Variants in ADGRL2 observed in about 807,000 individuals in gnomAD.
ADGRL2 encodes adhesion G protein-coupled receptor L2.
ADGRL2 carries 44 observed loss-of-function variants against 157.4 expected under a neutral mutation model. The ratio of observed to expected loss-of-function variants is 0.28; its 90% confidence interval spans 0.22 to 0.36. The LOEUF is 0.36. Ranked by LOEUF, ADGRL2 falls within the 10% of genes least tolerant of loss-of-function variation. The probability of loss-of-function intolerance (pLI) is 1.00; values close to 1 mark genes in which losing one functional copy is unlikely to be tolerated. For synonymous variants in ADGRL2, 585 were observed against 624.7 expected (o/e 0.94, Z 0.95); for missense variants, 1,510 against 1,768.9 (o/e 0.85, Z 2.63).
chr1:81,473,403 T>A (rs2078211703), intron 2 of ADGRL2, among the ~76,000 whole-genome samples: 1 of 152,300 alleles, frequency 6.6e-6, no homozygotes, highest in East Asian at 1.9e-4. Context: ...ACACACTGGA[T>A]TTCAATAATG....
At chr1:81,540,992 T>C (rs994795526) in intron 2 of ADGRL2, among the ~76,000 whole-genome samples, 4 of 152,106 alleles carry the variant, frequency 2.6e-5, no homozygotes, top group African/African-American at 9.7e-5. Flanking sequence ...AATCAATCAA[T>C]GAACAATCAC....
At chr1:81,381,963 C>A (rs904060687) in intron 1 of ADGRL2, among the ~76,000 whole-genome samples, 12 of 152,108 alleles carry the variant, frequency 7.9e-5, no homozygotes, top group African/African-American at 2.9e-4. Context: ...TCATGCCCTT[C>A]GTTGTTTGTG....
At chr1:81,768,176 A>G (rs1213027973) in intron 2 of ADGRL2, among the ~76,000 whole-genome samples, 4 of 151,366 alleles carry the variant, frequency 2.6e-5, no homozygotes, top group Admixed American at 2.6e-4. Flanking sequence ...TTCCTGAGTA[A>G]CTACGACTAC....
chr1:81,976,409 T>C (rs2149388943), intron 17 of ADGRL2, among the ~76,000 whole-genome samples: 1 of 152,060 alleles, frequency 6.6e-6, no homozygotes, highest in Admixed American at 6.6e-5. Flanking sequence ...ATAAATTTCT[T>C]TACATCTAGA....
chr1:81,483,264 T>G (rs2078428677), intron 2 of ADGRL2, among the ~76,000 whole-genome samples: 1 of 152,178 alleles, frequency 6.6e-6, no homozygotes, highest in Non-Finnish European at 1.5e-5. Flanking sequence ...ATATGAGTCT[T>G]ACTTAAGCCA....
intron 2 of ADGRL2, among the ~76,000 whole-genome samples, chr1:81,852,351 T>TAACC (rs958169447): frequency 1.2e-4 from 19 of 152,206 alleles, no homozygotes; most frequent in African/African-American, 4.6e-4. Flanking sequence ...ACCTTCCAGG[T>TAACC]AACCGCCTGG....
At chr1:81,930,133 G>A (rs945459029) in intron 3 of ADGRL2, among the ~76,000 whole-genome samples, 1 of 152,044 alleles carries the variant, frequency 6.6e-6, no homozygotes, top group East Asian at 1.9e-4. Flanking sequence ...ATTATTTTTC[G>A]ATACAATTTA....
At chr1:81,732,821 T>C (rs914862558) in intron 1 of ADGRL2, among the ~76,000 whole-genome samples, 8 of 152,234 alleles carry the variant, frequency 5.3e-5, no homozygotes, top group Admixed American at 5.2e-4. Flanking sequence ...TTAAGACTTT[T>C]ATTTGATTTT....
intron 3 of ADGRL2, among the ~76,000 whole-genome samples, chr1:81,934,925 A>C (rs2095288277): frequency 6.6e-6 from 1 of 152,014 alleles, no homozygotes; most frequent in Non-Finnish European, 1.5e-5. Flanking sequence ...TTTTAATGGG[A>C]CCAAGTTAGT....
At chr1:81,761,631 A>C (rs2085885112) in intron 1 of ADGRL2, among the ~76,000 whole-genome samples, 1 of 152,024 alleles carries the variant, frequency 6.6e-6, no homozygotes, top group African/African-American at 2.4e-5. Flanking sequence ...CAAGTGCTTA[A>C]TCTTATGGTA....
At chr1:81,683,928 TGCC>T (rs1239148846) in intron 3 of ADGRL2, among the ~76,000 whole-genome samples, 1 of 152,126 alleles carries the variant, frequency 6.6e-6, no homozygotes, top group African/African-American at 2.4e-5. Flanking sequence ...GCGATTCTCC[TGCC>T]TCAGCCTCCT....
At chr1:81,571,853 A>G (rs900397787) in intron 2 of ADGRL2, among the ~76,000 whole-genome samples, 9 of 152,160 alleles carry the variant, frequency 5.9e-5, no homozygotes, top group African/African-American at 2.2e-4. Flanking sequence ...TAGGCACTCG[A>G]CACATATTTG....
rs145105803 is a variant in ADGRL2 at position 81,834,411 on chromosome 1, A to C, written c.-100-2474A>C. Among the ~76,000 whole-genome samples the C allele has an allele frequency of 3.3e-5, 5 of 152,160 alleles. No individual in the cohort carries two copies. The South Asian group carries it at 1.0e-3, about 31-fold the overall frequency. On this transcript the variant is annotated intron_variant, in intron 1 of 23. Transcript: ENST00000686636. ...GAAGGACAAATGTTAGCTGTTATCT[A>C]TGCCAGTGGTTTGGCTCCAATATGA...
At chr1:81,906,152 T>C (rs2094581013) in intron 2 of ADGRL2, among the ~76,000 whole-genome samples, 1 of 152,166 alleles carries the variant, frequency 6.6e-6, no homozygotes, top group South Asian at 2.1e-4. Context: ...TAAACCTTGT[T>C]AGTGAAAACC....
intron 4 of ADGRL2, 95 bp from the exon 5 acceptor site, chr1:81,941,939 G>T: frequency 3.2e-6 from 2 of 626,982 alleles, no homozygotes; most frequent in Non-Finnish European, 5.8e-6. Flanking sequence ...CATCTGTTAC[G>T]AATTCAGTCT....
chr1:81,964,063 ATATCT>A (rs1460966218), intron 11 of ADGRL2, among the ~76,000 whole-genome samples: 2 of 151,858 alleles, frequency 1.3e-5, no homozygotes, highest in Non-Finnish European at 2.9e-5. Context: ...TCTTATGGAA[ATATCT>A]TAAGTAGCTT....
rs58351871 is a variant in ADGRL2, at chr1:81,585,286, G to A, written c.-143+4306G>A. Among the ~76,000 whole-genome samples, 613 of 152,148 alleles carry A rather than the reference G, an allele frequency of 4.0e-3. 2 individuals carry two copies. Among genetic ancestry groups the A allele is most frequent in the African/African-American group, 9.6e-3 (398 of 41,520 alleles). Reference sequence around the variant, plus strand: ...ATATATAGTTATATGTAATTATTTCGTAGTATGGACACTCCCAAATATTCT... The same window carrying A: ...ATATATAGTTATATGTAATTATTTCATAGTATGGACACTCCCAAATATTCT... On this transcript the variant is annotated intron_variant, in intron 3 of 24. Transcript: ENST00000370721.
chr1:81,382,664 G>C (rs1048897313), intron 1 of ADGRL2, among the ~76,000 whole-genome samples: 2 of 152,196 alleles, frequency 1.3e-5, no homozygotes, highest in African/African-American at 4.8e-5. Context: ...TGCATTTAAA[G>C]ACCCTGGTTC....
chr1:81,433,197 G>A (rs545215981), intron 1 of ADGRL2, among the ~76,000 whole-genome samples: 57 of 152,174 alleles, frequency 3.7e-4, no homozygotes, highest in African/African-American at 1.3e-3. Flanking sequence ...GAATTACTTT[G>A]TACTCTTTTT....
Sources: allele counts gnomAD v4.1 joint callset (sites outside exome capture counted in the v4.1 genomes callset), GRCh38; gene constraint gnomAD v4.1.1; transcripts MANE v1.5; gene names NCBI Gene and HGNC (gene_info 2026-07-23, HGNC 2026-07-21).